Variants in DOCK1 observed in about 807,000 individuals in gnomAD.
The protein encoded by DOCK1 is dedicator of cytokinesis protein 1.
In DOCK1, 138 loss-of-function variants were observed where a neutral mutation model predicts 262.7. The observed-to-expected ratio is 0.53, with a 90% CI of 0.46 to 0.61. The LOEUF is 0.61. Ranked by LOEUF, DOCK1 falls within the 20% of genes least tolerant of loss-of-function variation. DOCK1 has a pLI of 0.00. For missense variants in DOCK1, 1,908 were observed against 2,370.7 expected (o/e 0.80, Z 4.05); for synonymous variants, 866 against 867.4 (o/e 1.00, Z 0.03).
chr10:126,957,722 C>A (rs2036864904), intron 1 of DOCK1, among the ~76,000 whole-genome samples: 1 of 152,134 alleles, frequency 6.6e-6, no homozygotes, highest in African/African-American at 2.4e-5. Flanking sequence ...TCAAGTGATT[C>A]TCCCACTTCA....
intron 27 of DOCK1, among the ~76,000 whole-genome samples, chr10:127,132,944 A>G (rs2486968): frequency 0.82 from 125,042 of 152,152 alleles, 52,074 homozygotes; most frequent in East Asian, 0.94. Flanking sequence ...AGAAGTGGGC[A>G]TAGGGAAGGG....
chr10:127,320,281 G>C (rs1342106992), intron 29 of DOCK1, among the ~76,000 whole-genome samples: 1 of 152,174 alleles, frequency 6.6e-6, no homozygotes, highest in Non-Finnish European at 1.5e-5. Flanking sequence ...AGCAGAGGCA[G>C]ATGTGGAGCT....
chr10:127,251,336 C>A (rs929041452), intron 28 of DOCK1, among the ~76,000 whole-genome samples: 13 of 151,842 alleles, frequency 8.6e-5, no homozygotes, highest in Non-Finnish European at 2.9e-5. Context: ...GATGTTATTT[C>A]GTATTTCAAT....
chr10:127,204,431 C>A (rs2057617990), intron 27 of DOCK1, among the ~76,000 whole-genome samples: 1 of 152,116 alleles, frequency 6.6e-6, no homozygotes, highest in African/African-American at 2.4e-5. Flanking sequence ...GGATTACAGG[C>A]ATGCACCACC....
At chr10:127,374,288 C>CT (rs2065363774) in intron 35 of DOCK1, 74 bp downstream of exon 35, 3 of 1,495,322 alleles carry the variant, frequency 2.0e-6, no homozygotes, top group Admixed American at 2.4e-5. Context: ...TGCCCCAGCC[C>CT]TTATCTATGA....
At chr10:127,086,754 A>G (rs571207587) in intron 23 of DOCK1, among the ~76,000 whole-genome samples, 19 of 152,318 alleles carry the variant, frequency 1.2e-4, no homozygotes, top group Admixed American at 8.5e-4. Flanking sequence ...GTGATGATGG[A>G]GACACTCACG....
At chr10:127,234,187 G>A (rs1400998240) in intron 27 of DOCK1, among the ~76,000 whole-genome samples, 1 of 152,114 alleles carries the variant, frequency 6.6e-6, no homozygotes, top group African/African-American at 2.4e-5. Flanking sequence ...TGCGGCCTGA[G>A]GAGTAAGTCT....
At chr10:127,033,255 CT>C (rs1383907370) in intron 18 of DOCK1, among the ~76,000 whole-genome samples, 2 of 152,178 alleles carry the variant, frequency 1.3e-5, no homozygotes, top group African/African-American at 4.8e-5. Flanking sequence ...AAGGCACCCC[CT>C]GCTGACTCCC....
Position 127,052,826 on chromosome 10 carries a change from A to C in DOCK1, c.2336+11A>C. ...GATCCTGTTCAATCAGTGCGTACCT[A>C]TCCCCTCCATGCCCGGGCTCTCAGA... On this transcript the variant is annotated intron_variant, in intron 22 of 51. Transcript: ENST00000623213. The C allele has an allele frequency of 1.2e-6, 2 of 1,604,062 alleles. No homozygotes were observed. The highest frequency in any genetic ancestry group is 1.7e-6 in the Non-Finnish European group (2 of 1,174,752).
intron 27 of DOCK1, among the ~76,000 whole-genome samples, chr10:127,160,442 G>C (rs1387421634): frequency 1.3e-5 from 2 of 152,210 alleles, no homozygotes; most frequent in Non-Finnish European, 2.9e-5. Context: ...GCAGCATGCT[G>C]TGGGCCCCTC....
intron 27 of DOCK1, among the ~76,000 whole-genome samples, chr10:127,196,634 G>T (rs2057180698): frequency 6.8e-6 from 1 of 146,888 alleles, no homozygotes; most frequent in Non-Finnish European, 1.5e-5. Context: ...GCGCGGGGCC[G>T]GGCCGGGCCG....
At chr10:127,277,663 T>C (rs2135244708) in intron 29 of DOCK1, among the ~76,000 whole-genome samples, 1 of 152,218 alleles carries the variant, frequency 6.6e-6, no homozygotes, top group South Asian at 2.1e-4. Flanking sequence ...CTGGGGAGGC[T>C]GAGGCAGGAG....
chr10:127,294,744 G>A (rs1404785871), intron 29 of DOCK1, among the ~76,000 whole-genome samples: 1 of 151,644 alleles, frequency 6.6e-6, no homozygotes, highest in Non-Finnish European at 1.5e-5. Context: ...CGCCTCCCTG[G>A]TTCAAGTGAT....
intron 29 of DOCK1, among the ~76,000 whole-genome samples, chr10:127,264,772 C>A (rs1222604573): frequency 5.9e-5 from 9 of 152,158 alleles, no homozygotes; most frequent in Non-Finnish European, 1.3e-4. Flanking sequence ...GCAATCCTCC[C>A]AGCTGAGCTT....
rs751468311 is a variant in DOCK1 at position 127,343,749 on chromosome 10, AAG to A, written c.3224+4_3224+5del. ...AAGAGAGCCAAAATCCTTAACAAGT[AAG>A]TTCTCATCTAGCTCTGAAACTGCAG... On this transcript the variant is annotated splice_donor_5th_base_variant and intron_variant, in intron 31 of 51. Coordinates refer to ENST00000623213, the MANE Select transcript of DOCK1 (RefSeq NM_001290223.2). 1.9e-6 allele frequency: 3 copies of A among 1,599,970 alleles called. No individual in the cohort carries two copies. The highest frequency in any genetic ancestry group is 2.6e-6 in the Non-Finnish European group (3 of 1,172,686).
intron 27 of DOCK1, among the ~76,000 whole-genome samples, chr10:127,238,543 G>T (rs1242021365): frequency 6.6e-6 from 1 of 151,998 alleles, no homozygotes; most frequent in African/African-American, 2.4e-5. Flanking sequence ...CTTTACTTTT[G>T]CCCTCAACCC....
chr10:126,949,865 A>G (rs2036039643), intron 1 of DOCK1, among the ~76,000 whole-genome samples: 1 of 151,714 alleles, frequency 6.6e-6, no homozygotes, highest in African/African-American at 2.4e-5. Context: ...GTGGCCAGAG[A>G]GGCAAAGCTC....
intron 38 of DOCK1, among the ~76,000 whole-genome samples, chr10:127,397,343 G>A (rs1256585621): frequency 6.6e-6 from 1 of 150,956 alleles, no homozygotes; most frequent in Non-Finnish European, 1.5e-5. Context: ...CACGGGCGGT[G>A]TCTCCTATGT....
At chr10:127,381,028 T>TTTAAACATTTTCCC (rs1189717875) in intron 36 of DOCK1, among the ~76,000 whole-genome samples, 7 of 152,168 alleles carry the variant, frequency 4.6e-5, no homozygotes, top group African/African-American at 1.7e-4. Context: ...ATTAAAAATG[T>TTTAAACATTTTCCC]TTAAGGGAAA....
Sources: allele counts gnomAD v4.1 joint callset (sites outside exome capture counted in the v4.1 genomes callset), GRCh38; gene constraint gnomAD v4.1.1; transcripts MANE v1.5; gene names NCBI Gene and HGNC (gene_info 2026-07-23, HGNC 2026-07-21).